Variants in CNTN5 observed in about 807,000 individuals in gnomAD.
The protein encoded by CNTN5 is contactin-5.
CNTN5 carries 77 observed loss-of-function variants against 129.1 expected under a neutral mutation model. The observed-to-expected ratio is 0.60, with a 90% CI of 0.50 to 0.72. The LOEUF (loss-of-function observed/expected upper bound fraction) is 0.72, where lower values mean the gene tolerates loss of function less well. Among genes scored for constraint, CNTN5 ranks in the 30% least tolerant of loss-of-function variants. The probability of loss-of-function intolerance (pLI) is 0.00; values close to 1 mark genes in which losing one functional copy is unlikely to be tolerated. For synonymous variants in CNTN5, 509 were observed against 465.6 expected (o/e 1.09, Z -1.20); for missense variants, 1,478 against 1,328.8 (o/e 1.11, Z -1.75).
intron 2 of CNTN5, among the ~76,000 whole-genome samples, chr11:99,462,360 C>CTT (rs72276833): frequency 0.038 from 4,714 of 125,234 alleles, 232 homozygotes; most frequent in African/African-American, 0.1. Context: ...CTTTTCTTTT[C>CTT]TTTTTTTTTT....
Position 100,038,130 on chromosome 11 carries a change from C to T in CNTN5, c.981-23082C>T, listed in dbSNP as rs551604274. Among the ~76,000 whole-genome samples, 60 of 152,052 alleles carry T rather than the reference C, an allele frequency of 3.9e-4. 1 individual carries two copies. The highest frequency in any genetic ancestry group is 3.9e-3 in the Admixed American group (60 of 15,266). ...AGTGCTATAAATTTCCCTCTACACA[C>T]TACTTTGAATGTGTCCCAGAGATTC... On this transcript the variant is annotated intron_variant, in intron 9 of 24. Transcript: ENST00000524871.
chr11:99,063,533 TAAATAAATAAATAAATAAAC>T, intron 1 of CNTN5, among the ~76,000 whole-genome samples: 2 of 137,118 alleles, frequency 1.5e-5, no homozygotes, highest in South Asian at 4.8e-4. Flanking sequence ...AATAAATAAA[TAAATAAATAAATAAATAAAC>T]GCATGAGCAT....
intron 3 of CNTN5, among the ~76,000 whole-genome samples, chr11:99,788,545 G>C (rs1305249885): frequency 6.6e-6 from 1 of 151,790 alleles, no homozygotes; most frequent in African/African-American, 2.4e-5. Flanking sequence ...TTTCTGTTTT[G>C]TTCAGCAATA....
chr11:99,513,789 T>C (rs2135418544), intron 2 of CNTN5, among the ~76,000 whole-genome samples: 1 of 152,206 alleles, frequency 6.6e-6, no homozygotes, highest in East Asian at 1.9e-4. Context: ...CACCTGGTCA[T>C]GCAAGAGCTC....
chr11:99,554,554 A>G (rs1948604670), intron 2 of CNTN5, among the ~76,000 whole-genome samples: 1 of 152,150 alleles, frequency 6.6e-6, no homozygotes, highest in South Asian at 2.1e-4. Flanking sequence ...AGAACAACAG[A>G]GGACCTTAGG....
chr11:99,655,727 A>T (rs1041749451), intron 3 of CNTN5, among the ~76,000 whole-genome samples: 1 of 152,088 alleles, frequency 6.6e-6, no homozygotes. Context: ...ATATACATAC[A>T]TACACCTATA....
At chr11:100,212,318 T>C (rs936131682) in intron 15 of CNTN5, among the ~76,000 whole-genome samples, 1 of 152,178 alleles carries the variant, frequency 6.6e-6, no homozygotes, top group African/African-American at 2.4e-5. Context: ...CATTTCCCTA[T>C]TAAATACCAA....
intron 18 of CNTN5, among the ~76,000 whole-genome samples, chr11:100,275,290 G>A (rs1950484910): frequency 2.0e-5 from 3 of 152,092 alleles, no homozygotes. Flanking sequence ...TGCTTTCATT[G>A]TGTACAGGTG....
chr11:99,471,884 C>G (rs761013535), intron 2 of CNTN5, among the ~76,000 whole-genome samples: 56 of 152,226 alleles, frequency 3.7e-4, no homozygotes, highest in Non-Finnish European at 6.6e-4. Flanking sequence ...CACAGTACCT[C>G]AATACCTATC....
At chr11:99,841,237 G>A (rs1199468189) in intron 4 of CNTN5, among the ~76,000 whole-genome samples, 1 of 152,250 alleles carries the variant, frequency 6.6e-6, no homozygotes, top group East Asian at 1.9e-4. Flanking sequence ...GTCTCACAAA[G>A]TATGGGCAGT....
chr11:99,159,724 A>T (rs1219875835), intron 1 of CNTN5, among the ~76,000 whole-genome samples: 3 of 152,360 alleles, frequency 2.0e-5, no homozygotes, highest in African/African-American at 4.8e-5. Flanking sequence ...ATTAATTTTT[A>T]AAAATTCAAT....
At chr11:99,489,042 T>TA (rs55747043) in intron 2 of CNTN5, among the ~76,000 whole-genome samples, 83 of 150,052 alleles carry the variant, frequency 5.5e-4, no homozygotes, top group Middle Eastern at 3.4e-3. Context: ...TTGCCAAGGA[T>TA]AAAAAAAAAA....
intron 13 of CNTN5, among the ~76,000 whole-genome samples, chr11:100,090,167 C>T (rs1944702338): frequency 6.6e-6 from 1 of 151,828 alleles, no homozygotes; most frequent in East Asian, 1.9e-4. Flanking sequence ...TGATAAAATC[C>T]CTCAAGAAAT....
chr11:99,826,507 G>C (rs1457366448), intron 4 of CNTN5, among the ~76,000 whole-genome samples: 1 of 152,132 alleles, frequency 6.6e-6, no homozygotes, highest in Non-Finnish European at 1.5e-5. Context: ...GTATTATTTG[G>C]TAACATAGAA....
At chr11:99,504,911 G>A (rs1440479271) in intron 2 of CNTN5, among the ~76,000 whole-genome samples, 1 of 152,100 alleles carries the variant, frequency 6.6e-6, no homozygotes, top group African/African-American at 2.4e-5. Flanking sequence ...CTAATTCTAA[G>A]TGAAAAAGGA....
intron 7 of CNTN5, among the ~76,000 whole-genome samples, chr11:99,929,406 C>T (rs1478768752): frequency 1.3e-5 from 2 of 152,166 alleles, no homozygotes; most frequent in African/African-American, 2.4e-5. Flanking sequence ...CAGCAGTGCC[C>T]CACTCTCCGT....
chr11:99,190,558 C>T (rs552432067), intron 1 of CNTN5, among the ~76,000 whole-genome samples: 1 of 151,012 alleles, frequency 6.6e-6, no homozygotes, highest in East Asian at 1.9e-4. Flanking sequence ...TTATTTGTTT[C>T]TTCTTCTATT....
intron 13 of CNTN5, among the ~76,000 whole-genome samples, chr11:100,077,124 A>T (rs1397339874): frequency 6.6e-6 from 1 of 152,132 alleles, no homozygotes; most frequent in Non-Finnish European, 1.5e-5. Context: ...GAAATTTTAG[A>T]TTGCTTTTCT....
chr11:100,218,426 A>G lies in CNTN5; in HGVS notation c.1885-6266A>G, dbSNP rs559893223. ...TCCTCGATATTTATCTCAAAGACCA[A>G]TGTTTCATAGAATGGGCTAATGTTT... On this transcript the variant is annotated intron_variant, in intron 15 of 24. Coordinates refer to ENST00000524871, the MANE Select transcript of CNTN5 (RefSeq NM_014361.4). Among the ~76,000 whole-genome samples, 6 of 152,332 alleles carry G rather than the reference A, an allele frequency of 3.9e-5. No individual in the cohort carries two copies. In the South Asian group the frequency reaches 1.0e-3, roughly 26 times the overall value.
Sources: gnomAD v4.1 joint callset for allele counts (sites outside exome capture counted in the v4.1 genomes callset) on GRCh38, gnomAD v4.1.1 for gene constraint, MANE v1.5 for transcripts, NCBI Gene and HGNC (gene_info 2026-07-23, HGNC 2026-07-21) for gene names.